Variants in CHRM3 observed in about 807,000 individuals in gnomAD.
CHRM3 encodes the protein cholinergic receptor muscarinic 3.
CHRM3 carries 11 observed loss-of-function variants against 41.8 expected under a neutral mutation model. The observed-to-expected ratio is 0.26, with a 90% CI of 0.17 to 0.44. CHRM3 has a LOEUF of 0.44. CHRM3 is among the 20% of genes least tolerant of loss of function. The pLI is 1.00. For synonymous variants in CHRM3, 297 were observed against 301.4 expected (o/e 0.99, Z 0.15); for missense variants, 571 against 745.4 (o/e 0.77, Z 2.72).
At chr1:239,831,141 G>A (rs367839750) in intron 6 of CHRM3, among the ~76,000 whole-genome samples, 41 of 152,266 alleles carry the variant, frequency 2.7e-4, no homozygotes, top group African/African-American at 8.7e-4. Flanking sequence ...ACAGCCCAGC[G>A]AGTCAGGACA....
In CHRM3 at chr1:239,645,944, C is replaced by T. The variant is rs144285063; in HGVS notation, c.-250+13658C>T. 2.3e-3 allele frequency among the ~76,000 whole-genome samples: 353 copies of T among 152,086 alleles called. 3 individuals carry two copies. Among genetic ancestry groups the T allele is most frequent in the African/African-American group, 8.3e-3 (343 of 41,496 alleles). Reference sequence around the variant, plus strand: ...CAAGAGAAATGAGAGAGTTCTTGGGCTTACAGTGAAAAAGTTTTGGAAACA... The same window carrying T: ...CAAGAGAAATGAGAGAGTTCTTGGGTTTACAGTGAAAAAGTTTTGGAAACA... On this transcript the variant is annotated intron_variant, in intron 4 of 6. Transcript: ENST00000676153.
rs1443062044 is a variant in CHRM3, at chr1:239,638,018, T to A, written c.-250+5732T>A. 2.0e-5 allele frequency among the ~76,000 whole-genome samples: 3 copies of A among 149,764 alleles called. No homozygotes were observed. The East Asian group carries it at 6.1e-4, about 30-fold the overall frequency. On this transcript the variant is annotated intron_variant, in intron 4 of 6. Coordinates refer to ENST00000676153, the MANE Select transcript of CHRM3 (RefSeq NM_001375978.1). ...ATGAGTGAGAACGTGCAGTGTTTGGTTTTTTGTTCTTGCAATAGTTTACTG... is the reference window on the plus strand; with the variant it reads ...ATGAGTGAGAACGTGCAGTGTTTGGATTTTTGTTCTTGCAATAGTTTACTG...
intron 2 of CHRM3, among the ~76,000 whole-genome samples, chr1:239,518,119 A>G (rs75229487): frequency 0.036 from 5,433 of 152,138 alleles, 324 homozygotes; most frequent in African/African-American, 0.12. Context: ...AAACAACGAC[A>G]ACAACAACAA....
intron 4 of CHRM3, among the ~76,000 whole-genome samples, chr1:239,675,022 C>A (rs1657848824): frequency 6.6e-6 from 1 of 152,062 alleles, no homozygotes; most frequent in Admixed American, 6.5e-5. Flanking sequence ...CATTCGAGTT[C>A]TTTTGATACA....
intron 2 of CHRM3, among the ~76,000 whole-genome samples, chr1:239,528,270 C>T (rs1311864090): frequency 6.6e-5 from 10 of 152,154 alleles, no homozygotes; most frequent in Non-Finnish European, 1.3e-4. Context: ...TACCCTGCAG[C>T]ACCAATTCCT....
At chr1:239,492,379 T>C (rs980129005) in intron 1 of CHRM3, among the ~76,000 whole-genome samples, 7 of 152,202 alleles carry the variant, frequency 4.6e-5, no homozygotes, top group Non-Finnish European at 1.0e-4. Flanking sequence ...ATCTTTATTA[T>C]ACCTATGCTT....
intron 4 of CHRM3, among the ~76,000 whole-genome samples, chr1:239,657,469 A>G (rs916516350): frequency 2.6e-5 from 4 of 152,206 alleles, no homozygotes; most frequent in African/African-American, 9.6e-5. Context: ...TTTCCCCTGC[A>G]GAGCCTGGCA....
chr1:239,531,920 A>G (rs906053721), intron 2 of CHRM3, among the ~76,000 whole-genome samples: 3 of 150,004 alleles, frequency 2.0e-5, no homozygotes, highest in Admixed American at 6.7e-5. Flanking sequence ...GGGCCTCCCA[A>G]TGTGCTGGGA....
intron 3 of CHRM3, among the ~76,000 whole-genome samples, chr1:239,567,401 G>A (rs375191165): frequency 1.3e-5 from 2 of 151,866 alleles, no homozygotes; most frequent in African/African-American, 2.4e-5. Context: ...CCTATGTGAT[G>A]CAGTTAACAT....
rs1387363622 is a variant in CHRM3 at position 239,913,897 on chromosome 1, C to G, written c.*4673C>G. 6.0e-6 allele frequency: 1 copy of G among 166,936 alleles called. No individual in the cohort carries two copies. Among genetic ancestry groups the G allele is most frequent in the Non-Finnish European group, 1.5e-5 (1 of 68,086 alleles). 10.3% of individuals were successfully genotyped at this position (166,936 alleles called of 1,614,324 possible). The stretch of plus-strand genomic sequence containing the variant: ...CCAAATGCGTTGCTAGAATATCAGG[C>G]CTATGTTTGTTCTGGTAGAACCACA... On this transcript the variant is annotated 3_prime_UTR_variant, in exon 7 of 7. Coordinates refer to ENST00000676153, the MANE Select transcript of CHRM3 (RefSeq NM_001375978.1).
intron 5 of CHRM3, among the ~76,000 whole-genome samples, chr1:239,778,223 A>G (rs551931370): frequency 3.3e-5 from 5 of 152,336 alleles, no homozygotes; most frequent in African/African-American, 1.2e-4. Context: ...TCAAAAGAAT[A>G]TAGTCTCAAA....
At position 239,532,009 on chromosome 1, in the gene CHRM3, C is replaced by CTTTTTT. The variant is rs34798101; in HGVS notation, c.-421-13616_-421-13611dup. Among the ~76,000 whole-genome samples the CTTTTTT allele has an allele frequency of 1.3e-3, 103 of 76,306 alleles. 1 individual carries two copies. Among genetic ancestry groups the CTTTTTT allele is most frequent in the African/African-American group, 2.4e-3 (42 of 17,550 alleles). 50.1% of individuals were successfully genotyped at this position (76,306 alleles called of 152,430 possible). ...TATTTCTTTTTTCTTTTCCTTCTTT[C>CTTTTTT]TTTTTTTTTTTTTTTTTTTTTGAGA... On this transcript the variant is annotated intron_variant, in intron 2 of 6. Coordinates refer to ENST00000676153, the MANE Select transcript of CHRM3 (RefSeq NM_001375978.1).
intron 2 of CHRM3, among the ~76,000 whole-genome samples, chr1:239,494,943 A>T (rs914288648): frequency 1.3e-5 from 2 of 152,062 alleles, no homozygotes; most frequent in Non-Finnish European, 2.9e-5. Context: ...CCCTCTGGAG[A>T]ATCATTCTTC....
chr1:239,627,226 T>C (rs1271748591), intron 3 of CHRM3, among the ~76,000 whole-genome samples: 1 of 127,212 alleles, frequency 7.9e-6, no homozygotes, highest in Non-Finnish European at 1.7e-5. Flanking sequence ...TTAGCTCCTC[T>C]TGTTGAATTG....
chr1:239,513,217 T>C (rs1669039787), intron 2 of CHRM3, among the ~76,000 whole-genome samples: 1 of 152,184 alleles, frequency 6.6e-6, no homozygotes, highest in Non-Finnish European at 1.5e-5. Context: ...TTTTCTGTCT[T>C]AATCTGATCT....
chr1:239,773,215 G>A (rs993646423), intron 5 of CHRM3, among the ~76,000 whole-genome samples: 12 of 152,058 alleles, frequency 7.9e-5, no homozygotes, highest in East Asian at 1.9e-4. Context: ...CTGTACCACC[G>A]AAAGGTTGTA....
rs1553292012 is a variant in CHRM3 at position 239,874,309 on chromosome 1, A to ATACACAG, written c.-19-33122_-19-33121insCACAGTA. On this transcript the variant is annotated intron_variant, in intron 6 of 6. Transcript: ENST00000676153. Reference sequence around the variant, plus strand: ...AGTATATATATATATATATATATATATATATATATATATATATACACAGTT... The same window carrying ATACACAG: ...AGTATATATATATATATATATATATATACACAGTATATATATATATATATACACAGTT... 1.5e-4 allele frequency among the ~76,000 whole-genome samples: 18 copies of ATACACAG among 120,224 alleles called. 1 individual carries two copies. Among genetic ancestry groups the ATACACAG allele is most frequent in the South Asian group, 5.1e-4 (2 of 3,954 alleles). The allele number at this position is 120,224 out of a possible 152,430, so 78.9% of individuals were successfully genotyped here. A position where few individuals can be genotyped will look rare whatever the true frequency, so the allele number is the denominator to read the frequency against.
intron 1 of CHRM3, among the ~76,000 whole-genome samples, chr1:239,412,575 A>G (rs1049156717): frequency 4.6e-5 from 7 of 151,438 alleles, no homozygotes; most frequent in African/African-American, 1.5e-4. Flanking sequence ...AGGAAGATGA[A>G]ATGAGTATAT....
chr1:239,540,220 A>G (rs900838902), intron 2 of CHRM3, among the ~76,000 whole-genome samples: 1 of 152,188 alleles, frequency 6.6e-6, no homozygotes, highest in African/African-American at 2.4e-5. Context: ...GCATGTGTTG[A>G]CTACTTTATC....
Sources: gnomAD v4.1 joint callset for allele counts (sites outside exome capture counted in the v4.1 genomes callset) on GRCh38, gnomAD v4.1.1 for gene constraint, MANE v1.5 for transcripts, NCBI Gene and HGNC (gene_info 2026-07-23, HGNC 2026-07-21) for gene names.